The following CCDC30 variants were observed in gnomAD, a reference collection of about 807,000 sequenced individuals.
The protein encoded by CCDC30 is coiled-coil domain containing 30.
CCDC30 carries 70 observed loss-of-function variants against 100.2 expected under a neutral mutation model. That is an observed-to-expected ratio of 0.70 (90% CI 0.58 to 0.85). The LOEUF (loss-of-function observed/expected upper bound fraction) is 0.85, where lower values mean the gene tolerates loss of function less well. Among genes scored for constraint, CCDC30 ranks in the 40% least tolerant of loss-of-function variants. The probability of loss-of-function intolerance (pLI) is 0.00; values close to 1 mark genes in which losing one functional copy is unlikely to be tolerated. For missense variants in CCDC30, 652 were observed against 771.2 expected (o/e 0.85, Z 1.83); for synonymous variants, 233 against 269.5 (o/e 0.86, Z 1.33).
chr1:42,595,075 G>A (rs1405208892), intron 10 of CCDC30: 1 of 151,614 alleles, frequency 6.6e-6, no homozygotes, highest in African/African-American at 2.4e-5. Context: ...GAACCAATGA[G>A]TCATATGATT....
downstream of CCDC30, chr1:42,654,497 G>C (rs1358201790): frequency 1.3e-5 from 2 of 156,188 alleles, no homozygotes; most frequent in Admixed American, 1.3e-4. Flanking sequence ...GACCATCCTG[G>C]CTAACACGGT....
chr1:42,581,465 C>T lies in CCDC30; in HGVS notation c.952C>T (p.Gln318Ter). The change falls in exon 9 of 17, where the codon CAA (glutamine) becomes TAA (stop). Residue 318 changes from glutamine to a stop codon, truncating the protein, a stop_gained. Transcript: ENST00000668663. LOFTEE classifies it high-confidence loss of function. The stretch of plus-strand genomic sequence containing the variant: ...AGAGGAAAAGATAAAAGAAGCAACA[C>T]AAAATGAAGCTAAAGTAAAGCAACA... 6.2e-7 allele frequency: 1 copy of T among 1,613,628 alleles called. No homozygotes were observed. Among genetic ancestry groups the T allele is most frequent in the Middle Eastern group, 1.7e-4 (1 of 6,058 alleles).
chr1:42,527,427 T>G (rs1557826882), intron 6 of CCDC30, among the ~76,000 whole-genome samples: 1 of 152,232 alleles, frequency 6.6e-6, no homozygotes. Context: ...CTTAGCTCTC[T>G]GTCCTTAACT....
chr1:42,587,945 T>C (rs1210047171), intron 9 of CCDC30, among the ~76,000 whole-genome samples: 1 of 152,140 alleles, frequency 6.6e-6, no homozygotes, highest in Non-Finnish European at 1.5e-5. Flanking sequence ...AAAAAGGCTT[T>C]ATTAGGGTGC....
rs80322347 is a variant in CCDC30, at chr1:42,535,992, C to A, written c.457-30304C>A. ...GGACAAATTATGTAACATATCTGAG[C>A]CTCACCTGTCTCCTCTGTAAAAATA... On this transcript the variant is annotated intron_variant, in intron 6 of 16. Coordinates refer to ENST00000668663, the Ensembl canonical transcript of CCDC30. Among the ~76,000 whole-genome samples the A allele has an allele frequency of 3.8e-3, 579 of 151,136 alleles. 1 individual carries two copies. Among genetic ancestry groups the A allele is most frequent in the African/African-American group, 0.012 (513 of 41,092 alleles).
intron 11 of CCDC30, among the ~76,000 whole-genome samples, chr1:42,618,527 T>A (rs1340642422): frequency 6.6e-6 from 1 of 152,160 alleles, no homozygotes; most frequent in Admixed American, 6.5e-5. Flanking sequence ...TGAGCCATCA[T>A]GCCTGGCTGA....
At chr1:42,483,404 A>C (rs1213993587) in intron 3 of CCDC30, among the ~76,000 whole-genome samples, 1 of 152,234 alleles carries the variant, frequency 6.6e-6, no homozygotes, top group East Asian at 1.9e-4. Flanking sequence ...TGGTAAGAGC[A>C]GAATTACTGA....
chr1:42,544,855 T>A (rs1645090502), intron 6 of CCDC30, among the ~76,000 whole-genome samples: 2 of 152,166 alleles, frequency 1.3e-5, no homozygotes, highest in African/African-American at 2.4e-5. Context: ...TATATCATAG[T>A]GGTTTGAGAA....
At chr1:42,465,428 G>A (rs557925554) in intron 1 of CCDC30, among the ~76,000 whole-genome samples, 112 of 152,126 alleles carry the variant, frequency 7.4e-4, no homozygotes, top group Non-Finnish European at 1.4e-3. Flanking sequence ...GCAATGGCGC[G>A]ATCTTGGCCC....
At chr1:42,577,032 C>T (rs12049046) in exon 8 of CCDC30, 347,446 of 1,609,120 alleles carry the variant, frequency 0.22, 41,384 homozygotes, top group South Asian at 0.43. Flanking sequence ...AAAGATTGAA[C>T]TAAAGCATGC....
chr1:42,651,305 A>G (rs1455045117), intron 15 of CCDC30, among the ~76,000 whole-genome samples: 2 of 152,214 alleles, frequency 1.3e-5, no homozygotes, highest in Non-Finnish European at 2.9e-5. Flanking sequence ...CAACCTATGG[A>G]TTGGGAGAAA....
intron 6 of CCDC30, among the ~76,000 whole-genome samples, chr1:42,518,275 T>C (rs1644585388): frequency 6.6e-6 from 1 of 152,204 alleles, no homozygotes; most frequent in Non-Finnish European, 1.5e-5. Context: ...TTGTTCATTG[T>C]TAGAGTATAG....
At chr1:42,576,904 T>C in intron 7 of CCDC30, 116 bp from the exon 12 acceptor site, 1 of 698,434 alleles carries the variant, frequency 1.4e-6, no homozygotes. Context: ...TACTCAGCCA[T>C]GTGACATTGG....
intron 1 of CCDC30, chr1:42,464,238 C>T (rs1488156802): frequency 1.3e-5 from 2 of 152,024 alleles, no homozygotes; most frequent in African/African-American, 4.8e-5. Context: ...ACATTAAATA[C>T]TGTAGGTCTA....
At chr1:42,647,069 C>T (rs1014612476) in intron 15 of CCDC30, among the ~76,000 whole-genome samples, 4 of 152,008 alleles carry the variant, frequency 2.6e-5, no homozygotes, top group Admixed American at 6.6e-5. Flanking sequence ...CACTGCACTC[C>T]AGCCTGGGTG....
chr1:42,639,115 T>C (rs1185861761), intron 12 of CCDC30, among the ~76,000 whole-genome samples: 1 of 152,140 alleles, frequency 6.6e-6, no homozygotes, highest in African/African-American at 2.4e-5. Flanking sequence ...TCCTAGAACC[T>C]TAGAATGTGA....
chr1:42,487,632 A>T (rs887054732), intron 3 of CCDC30, among the ~76,000 whole-genome samples: 1 of 152,212 alleles, frequency 6.6e-6, no homozygotes. Flanking sequence ...GAGATTCTAC[A>T]TTAATGACTT....
At chr1:42,496,020 T>C (rs2148473185) in intron 4 of CCDC30, among the ~76,000 whole-genome samples, 1 of 152,254 alleles carries the variant, frequency 6.6e-6, no homozygotes, top group East Asian at 1.9e-4. Flanking sequence ...GAGCCAAGTG[T>C]GCACTGACAT....
downstream of CCDC30, among the ~76,000 whole-genome samples, chr1:42,655,371 G>A (rs1022404369): frequency 2.0e-5 from 3 of 151,882 alleles, no homozygotes; most frequent in Admixed American, 2.0e-4. Context: ...GGGAAACCCC[G>A]TCTCTAACAA....
Sources: gnomAD v4.1 joint callset for allele counts (sites outside exome capture counted in the v4.1 genomes callset) on GRCh38, gnomAD v4.1.1 for gene constraint, MANE v1.5 for transcripts, NCBI Gene and HGNC (gene_info 2026-07-23, HGNC 2026-07-21) for gene names.